DOCK1: variants seen among roughly 807,000 people sequenced by gnomAD.
DOCK1 encodes the protein dedicator of cytokinesis 1, also known as dedicator of cytokinesis protein 1.
DOCK1 carries 138 observed loss-of-function variants against 262.7 expected under a neutral mutation model. The ratio of observed to expected loss-of-function variants is 0.53; its 90% CI spans 0.46 to 0.61. DOCK1 has a LOEUF of 0.61. Among genes scored for constraint, DOCK1 ranks in the 20% least tolerant of loss-of-function variants. DOCK1 has a pLI of 0.00. For synonymous variants in DOCK1, 866 were observed against 867.4 expected (o/e 1.00, Z 0.03); for missense variants, 1,908 against 2,370.7 (o/e 0.80, Z 4.05).
rs1029111150 is a variant in DOCK1 at position 127,371,877 on chromosome 10, G to A, written c.3433-1904G>A. 2.0e-5 allele frequency among the ~76,000 whole-genome samples: 3 copies of A among 152,176 alleles called. No individual in the cohort carries two copies. In the South Asian group the frequency reaches 6.2e-4, roughly 32 times the overall value. ...CAGAATTCTTTTCTGTAAAGGGCAG[G>A]ATAGCAGTGGTTAGTATCAAAAGGT... On this transcript the variant is annotated intron_variant, in intron 33 of 51. Coordinates refer to ENST00000623213, the MANE Select transcript of DOCK1 (RefSeq NM_001290223.2).
intron 29 of DOCK1, among the ~76,000 whole-genome samples, chr10:127,326,265 G>T (rs2062744788): frequency 6.6e-6 from 1 of 152,200 alleles, no homozygotes; most frequent in Admixed American, 6.5e-5. Context: ...CTGTGATGCT[G>T]TTTGGTAGCA....
chr10:127,058,587 C>CT (rs971727750), intron 22 of DOCK1, among the ~76,000 whole-genome samples: 13 of 151,730 alleles, frequency 8.6e-5, no homozygotes, highest in African/African-American at 2.7e-4. Flanking sequence ...CCTTTTCCTC[C>CT]TTTTTTGCCT....
chr10:127,066,363 T>A (rs1389310975), intron 23 of DOCK1, among the ~76,000 whole-genome samples: 1 of 152,334 alleles, frequency 6.6e-6, no homozygotes. Context: ...AGAAAAGTCT[T>A]GGAACCGTTT....
chr10:127,068,079 C>G (rs1297422077), intron 23 of DOCK1, among the ~76,000 whole-genome samples: 1 of 152,150 alleles, frequency 6.6e-6, no homozygotes, highest in African/African-American at 2.4e-5. Context: ...TTGAAATAAG[C>G]TATTCTGTAA....
intron 12 of DOCK1, 37 bp from the exon 13 acceptor site, chr10:127,018,673 A>G: frequency 6.2e-7 from 1 of 1,613,894 alleles, no homozygotes; most frequent in Non-Finnish European, 8.5e-7. Flanking sequence ...AATGCATAGG[A>G]TAAAATGCGA....
At chr10:127,153,884 G>C in intron 27 of DOCK1, 1 of 1,613,832 alleles carries the variant, frequency 6.2e-7, no homozygotes, top group Non-Finnish European at 8.5e-7. Flanking sequence ...TCCTGCATGT[G>C]TCACAATTAG....
intron 4 of DOCK1, among the ~76,000 whole-genome samples, chr10:126,986,894 A>T (rs1233619607): frequency 6.6e-6 from 1 of 152,210 alleles, no homozygotes; most frequent in African/African-American, 2.4e-5. Flanking sequence ...TGTGTGACAG[A>T]GCGAGACACC....
At chr10:127,244,291 AATATC>A (rs2059360501) in intron 27 of DOCK1, among the ~76,000 whole-genome samples, 1 of 152,166 alleles carries the variant, frequency 6.6e-6, no homozygotes, top group Non-Finnish European at 1.5e-5. Context: ...AACCCTACAA[AATATC>A]ATATTATTTA....
intron 27 of DOCK1, among the ~76,000 whole-genome samples, chr10:127,174,541 G>A (rs193118767): frequency 2.6e-4 from 39 of 152,264 alleles, no homozygotes; most frequent in African/African-American, 8.4e-4. Flanking sequence ...AGTATTGGCC[G>A]TGAAGTTAGT....
In DOCK1 at chr10:127,033,507, G is replaced by A. The variant is rs545969386; in HGVS notation, c.1912+1187G>A. On this transcript the variant is annotated intron_variant, in intron 18 of 51. Transcript: ENST00000623213. ...AAAATTGAATCTTCCAAATGCAGCC[G>A]TATCACAGCTGTGCAGAGTGACTTT... Among the ~76,000 whole-genome samples the A allele has an allele frequency of 5.3e-5, 8 of 152,298 alleles. No individual in the cohort carries two copies. The South Asian group carries it at 6.2e-4, about 12-fold the overall frequency.
At chr10:127,418,685 G>A (rs1053668551) in intron 45 of DOCK1, 144 bp downstream of exon 45, 2 of 1,087,584 alleles carry the variant, frequency 1.8e-6, no homozygotes, top group African/African-American at 1.6e-5. Context: ...GGCAGCAGCA[G>A]CCAGTGGCGG....
chr10:127,043,901 A>T (rs2044174705), intron 21 of DOCK1, among the ~76,000 whole-genome samples: 1 of 152,160 alleles, frequency 6.6e-6, no homozygotes, highest in African/African-American at 2.4e-5. Context: ...TTGTGTGGAA[A>T]TTTTAATAAG....
rs5788837 is a variant in DOCK1 at position 127,357,994 on chromosome 10, GTT to G, written c.3283+3279_3283+3280del. Among the ~76,000 whole-genome samples, 1,220 of 147,772 alleles carry G rather than the reference GTT, an allele frequency of 8.3e-3. 4 individuals are homozygous for G. The highest frequency in any genetic ancestry group is 0.012 in the African/African-American group (471 of 40,602). On this transcript the variant is annotated intron_variant, in intron 32 of 51. Transcript: ENST00000623213. ...ATGTATACAACCTACTTTCTACATAGTTTTTTTTTTTTTATTTTAATTTTACT... is the reference window on the plus strand; with the variant it reads ...ATGTATACAACCTACTTTCTACATAGTTTTTTTTTTTATTTTAATTTTACT...
intron 12 of DOCK1, among the ~76,000 whole-genome samples, chr10:127,017,652 G>T (rs560988222): frequency 1.6e-4 from 25 of 152,298 alleles, no homozygotes; most frequent in African/African-American, 6.0e-4. Flanking sequence ...TAGCAGAAAT[G>T]AGGACAGAGG....
chr10:127,256,458 T>G (rs1057079243), intron 28 of DOCK1, among the ~76,000 whole-genome samples: 1 of 152,222 alleles, frequency 6.6e-6, no homozygotes, highest in Non-Finnish European at 1.5e-5. Context: ...AAGACAGTTC[T>G]CGGTTGTCTT....
intron 33 of DOCK1, among the ~76,000 whole-genome samples, chr10:127,364,259 C>G (rs2064767841): frequency 6.6e-6 from 1 of 152,212 alleles, no homozygotes; most frequent in Non-Finnish European, 1.5e-5. Flanking sequence ...TTCCTTTAAC[C>G]TCTACACACC....
chr10:127,107,098 C>T (rs765149501), intron 24 of DOCK1, among the ~76,000 whole-genome samples: 7 of 152,080 alleles, frequency 4.6e-5, no homozygotes, highest in African/African-American at 7.2e-5. Flanking sequence ...CTGGAATTAC[C>T]GACGTGCGCC....
Position 127,115,082 on chromosome 10 carries a change from G to A in DOCK1, c.2623+4728G>A, listed in dbSNP as rs73378447. Among the ~76,000 whole-genome samples, 1,451 of 152,104 alleles carry A rather than the reference G, an allele frequency of 9.5e-3. 22 individuals are homozygous for A. The highest frequency in any genetic ancestry group is 0.032 in the African/African-American group (1,346 of 41,476). On this transcript the variant is annotated intron_variant, in intron 25 of 51. Coordinates refer to ENST00000623213, the MANE Select transcript of DOCK1 (RefSeq NM_001290223.2). ...TCCATCTTTTCTTATCTATATGCCC[G>A]TCCCCCAGATATTTTGAGGCAAATC...
At chr10:127,075,966 C>T (rs943153963) in intron 23 of DOCK1, among the ~76,000 whole-genome samples, 4 of 152,246 alleles carry the variant, frequency 2.6e-5, no homozygotes, top group South Asian at 2.1e-4. Context: ...TCTCTTCCTA[C>T]GTGGGTCTTA....
Sources: gnomAD v4.1 joint callset for allele counts (sites outside exome capture counted in the v4.1 genomes callset) on GRCh38, gnomAD v4.1.1 for gene constraint, MANE v1.5 for transcripts, NCBI Gene and HGNC (gene_info 2026-07-23, HGNC 2026-07-21) for gene names.